The following ABHD1 variants were observed in gnomAD, a reference collection of about 807,000 sequenced individuals.
The protein encoded by ABHD1 is protein ABHD1.
A neutral mutation model predicts 41.4 loss-of-function variants in ABHD1; 47 were observed. That is an observed-to-expected ratio of 1.13 (90% CI 0.90 to 1.45). ABHD1 has a LOEUF of 1.45. Ranked by LOEUF, ABHD1 falls within the 40% of genes most tolerant of loss-of-function variation. The probability of loss-of-function intolerance (pLI) is 0.00; values close to 1 mark genes in which losing one functional copy is unlikely to be tolerated. For synonymous variants in ABHD1, 205 were observed against 203.7 expected, an observed-to-expected ratio of 1.01 and a Z score of -0.05; for missense variants, 550 against 503.4, an observed-to-expected ratio of 1.09 and a Z score of -0.89.
chr2:27,126,044 G>A (rs1377844271), intron 1 of ABHD1: 1 of 152,198 alleles, frequency 6.6e-6, no homozygotes, highest in Non-Finnish European at 1.5e-5. Flanking sequence ...GCTCTGGCAA[G>A]CTTCTGGCCC....
intron 1 of ABHD1, among the ~76,000 whole-genome samples, chr2:27,127,372 G>A (rs1396044555): frequency 2.8e-5 from 4 of 145,144 alleles, no homozygotes; most frequent in African/African-American, 5.1e-5. Context: ...GGCTAACACA[G>A]TGAAACCCCG....
Position 27,130,745 on chromosome 2 carries a change from C to G in ABHD1, c.*1C>G. Reference sequence around the variant, plus strand: ...ACCTTCTGAGGACAGAAACAGCTGACAAGAGTACCATTTGGGGTCTCAGTT... The same window carrying G: ...ACCTTCTGAGGACAGAAACAGCTGAGAAGAGTACCATTTGGGGTCTCAGTT... On this transcript the variant is annotated 3_prime_UTR_variant, in exon 9 of 9. Coordinates refer to ENST00000316470, the MANE Select transcript of ABHD1 (RefSeq NM_032604.4). The G allele has an allele frequency of 6.2e-7, 1 of 1,613,458 alleles. No homozygotes were observed.
At chr2:27,128,314 A>G (rs2148412019) in intron 1 of ABHD1, 127 bp from the exon 2 acceptor site, 1 of 1,126,732 alleles carries the variant, frequency 8.9e-7, no homozygotes. Context: ...AGTATCTCAC[A>G]TGCAGACAAA....
intron 2 of ABHD1, 94 bp from the exon 3 acceptor site, chr2:27,128,851 A>T (rs917645984): frequency 1.4e-6 from 2 of 1,432,242 alleles, no homozygotes; most frequent in Non-Finnish European, 1.9e-6. Flanking sequence ...ACGGGAAGTG[A>T]TAAGACTTGT....
Position 27,128,492 on chromosome 2 carries a change from T to C in ABHD1, c.166T>C (p.Cys56Arg), listed in dbSNP as rs1216202616. The C allele has an allele frequency of 1.9e-6, 3 of 1,610,706 alleles. No homozygotes were observed. In the Admixed American group the frequency reaches 5.0e-5, roughly 27 times the overall value. ...PQFLAFLEPH[C>R]SITTETFYPT... is the part of the protein sequence containing the mutation. ...GTTTCTGGCCTTCCTGGAGCCACAC[T>C]GTTCCATCACCACCGAGACTTTCTA... The change falls in exon 2 of 9, where the codon TGT becomes CGT. Residue 56 changes from cysteine to arginine, a missense_variant. Transcript: ENST00000316470.
intron 1 of ABHD1, 78 bp downstream of exon 1, chr2:27,124,140 T>C (rs764581353): frequency 1.5e-6 from 2 of 1,336,348 alleles, no homozygotes; most frequent in South Asian, 2.4e-5. Context: ...GGGCCCTTGG[T>C]GGGAACTGGG....
intron 1 of ABHD1, among the ~76,000 whole-genome samples, chr2:27,128,157 T>A (rs1043466898): frequency 2.0e-5 from 3 of 152,154 alleles, no homozygotes; most frequent in African/African-American, 7.2e-5. Context: ...GGGGCATGGA[T>A]AGGCTGAGCA....
intron 5 of ABHD1, 25 bp from the exon 6 acceptor site, chr2:27,129,729 C>T (rs1217336708): frequency 6.2e-7 from 1 of 1,613,076 alleles, no homozygotes; most frequent in Non-Finnish European, 8.5e-7. Context: ...ACCCTTCTTT[C>T]ATGGTCCCTT....
At position 27,130,606 on chromosome 2, in the gene ABHD1, C is replaced by G; in HGVS notation, c.1080C>G (p.Gly360=). 1.2e-6 allele frequency: 2 copies of G among 1,614,218 alleles called. No homozygotes were observed. Among genetic ancestry groups the G allele is most frequent in the Non-Finnish European group, 1.7e-6 (2 of 1,180,036 alleles). ...TCACAGCCCGGGGTGGCCACATCGG[C>G]TTCCTGGAAGGGCTGCTCCCGTGGC... ...LLITARGGHI[G]FLEGLLPWQH... is the part of the protein sequence containing the mutation. Residue 360 remains glycine (G), a synonymous_variant, in exon 9 of 9, where the codon GGC becomes GGG. Transcript: ENST00000316470.
intron 1 of ABHD1, among the ~76,000 whole-genome samples, chr2:27,127,564 A>AG (rs1415302094): frequency 5.6e-5 from 3 of 53,910 alleles, no homozygotes; most frequent in African/African-American, 7.4e-5. Context: ...AAAAAAAAAA[A>AG]AAAAAAAGAA....
chr2:27,123,959 C>T lies in ABHD1; in HGVS notation c.11C>T (p.Ser4Phe), dbSNP rs950115579. 3.1e-6 allele frequency: 5 copies of T among 1,614,216 alleles called. No individual in the cohort carries two copies. Among genetic ancestry groups the T allele is most frequent in the East Asian group, 2.2e-5 (1 of 44,874 alleles). MLS[S>F]FLSPQNGTWA... ...AGCCCCCAACACAAGATGCTGAGCT[C>T]CTTCCTGAGCCCCCAGAATGGCACC... The change falls in exon 1 of 9, where the codon TCC (serine) becomes TTC (phenylalanine). Residue 4 changes from serine to phenylalanine, a missense_variant. Physicochemically the swap from Ser to Phe is radical, Grantham distance 155. Transcript: ENST00000316470.
At chr2:27,130,079 A>G (rs1672163427) in intron 6 of ABHD1, 26 bp from the exon 7 acceptor site, 1 of 1,614,204 alleles carries the variant, frequency 6.2e-7, no homozygotes, top group Non-Finnish European at 8.5e-7. Flanking sequence ...CCAGGTGTCA[A>G]GCCAAACTCT....
rs1206656777 is a variant in ABHD1 at position 27,129,939 on chromosome 2, G to A, written c.791+12G>A. On this transcript the variant is annotated intron_variant, in intron 6 of 8. Coordinates refer to ENST00000316470, the MANE Select transcript of ABHD1 (RefSeq NM_032604.4). ...CAACTTGTGGAACGGTAGGGTCGTG[G>A]CAAGTGGGAGGAGGCAGTAGACAGA... The A allele has an allele frequency of 1.2e-6, 2 of 1,613,816 alleles. No individual in the cohort carries two copies. Among genetic ancestry groups the A allele is most frequent in the Non-Finnish European group, 1.7e-6 (2 of 1,179,964 alleles).
chr2:27,125,819 T>C (rs12467319), intron 1 of ABHD1: 54,810 of 150,894 alleles, frequency 0.36, 10,685 homozygotes, highest in Admixed American at 0.52. Flanking sequence ...GAGAATCGCT[T>C]GAACCCAGGA....
intron 1 of ABHD1, among the ~76,000 whole-genome samples, chr2:27,127,149 G>A (rs1671991584): frequency 6.8e-6 from 1 of 147,690 alleles, no homozygotes; most frequent in Non-Finnish European, 1.5e-5. Context: ...GAACATTAGA[G>A]AATAGGAATA....
chr2:27,127,520 C>T (rs1294868982), intron 1 of ABHD1, among the ~76,000 whole-genome samples: 1 of 132,312 alleles, frequency 7.6e-6, no homozygotes, highest in Non-Finnish European at 1.6e-5. Flanking sequence ...CGCCACTGCA[C>T]TCCAGCCTGG....
Position 27,130,336 on chromosome 2 carries a change from G to A in ABHD1, c.926G>A (p.Ser309Asn). 6.2e-7 allele frequency: 1 copy of A among 1,614,166 alleles called. No homozygotes were observed. Among genetic ancestry groups the A allele is most frequent in the Non-Finnish European group, 8.5e-7 (1 of 1,180,034 alleles). ...QDCVTYYKAASPRTKIDAIRI... is the reference protein window; with the variant it reads ...QDCVTYYKAANPRTKIDAIRI... Reference sequence around the variant, plus strand: ...TGTGTTACCTACTACAAAGCAGCAAGCCCTAGAACCAAGATAGATGCCATC... The same window carrying A: ...TGTGTTACCTACTACAAAGCAGCAAACCCTAGAACCAAGATAGATGCCATC... The change falls in exon 8 of 9, where the codon AGC becomes AAC. Residue 309 changes from serine (S) to asparagine (N), a missense_variant. By Grantham distance (46) the Ser-to-Asn change is conservative. Coordinates refer to ENST00000316470, the MANE Select transcript of ABHD1 (RefSeq NM_032604.4).
rs1469324300 is a variant in ABHD1, at chr2:27,123,904, CT to C, written c.-44del. The C allele has an allele frequency of 6.4e-7, 1 of 1,567,836 alleles. No homozygotes were observed. The highest frequency in any genetic ancestry group is 8.8e-7 in the Non-Finnish European group (1 of 1,141,396). On this transcript the variant is annotated 5_prime_UTR_variant, in exon 1 of 9. It removes the in-frame stop codon of an upstream open reading frame in the 5' UTR. Transcript: ENST00000316470. ...GGGACCGCGAGTTACAGCCGGCCAACTGGGGCCAGCCAGGAGCCTGAGGGTC... is the reference window on the plus strand; with the variant it reads ...GGGACCGCGAGTTACAGCCGGCCAACGGGGCCAGCCAGGAGCCTGAGGGTC...
At chr2:27,124,541 G>T in intron 1 of ABHD1, 1 of 306,226 alleles carries the variant, frequency 3.3e-6, no homozygotes, top group Non-Finnish European at 6.4e-6. Flanking sequence ...GACCCCAACT[G>T]TCCTTGCTCA....
Sources: allele counts gnomAD v4.1 joint callset (sites outside exome capture counted in the v4.1 genomes callset), GRCh38; gene constraint gnomAD v4.1.1; transcripts MANE v1.5; gene names NCBI Gene and HGNC (gene_info 2026-07-23, HGNC 2026-07-21).